The following SZT2 variants were observed in gnomAD, a reference collection of about 807,000 sequenced individuals.
SZT2 encodes KICSTOR complex protein SZT2.
Under a neutral mutation model 404.2 loss-of-function variants are expected in SZT2, and 216 were observed. The observed-to-expected ratio is 0.53, with a 90% CI of 0.48 to 0.60. The LOEUF (loss-of-function observed/expected upper bound fraction) is 0.60. Ranked by LOEUF, SZT2 falls within the 20% of genes least tolerant of loss-of-function variation. The pLI is 0.00. For synonymous variants in SZT2, 1,693 were observed against 1,749.9 expected (o/e 0.97, Z 0.81); for missense variants, 3,857 against 4,459.2 (o/e 0.86, Z 3.85).
At position 43,391,976 on chromosome 1, in the gene SZT2, C is replaced by T. The variant is rs542749300; in HGVS notation, c.27+1981C>T. Among the ~76,000 whole-genome samples, 2 of 66,002 alleles carry T rather than the reference C, an allele frequency of 3.0e-5. 1 individual carries two copies. The highest frequency in any genetic ancestry group is 7.6e-4 in the South Asian group (2 of 2,642). 43.3% of individuals were successfully genotyped at this position (66,002 alleles called of 152,430 possible). A position where few individuals can be genotyped will look rare whatever the true frequency, so the allele number is the denominator to read the frequency against. ...GCGGGCGCCTGTAGTCCCAGCTACT[C>T]GGGAGGCTGAGGCAGGAGAATGGCG... is the stretch of plus-strand genomic sequence containing the variant. On this transcript the variant is annotated intron_variant, in intron 1 of 71. Transcript: ENST00000634258.
chr1:43,427,755 C>T, intron 26 of SZT2, 21 bp downstream of exon 26: 1 of 1,610,438 alleles, frequency 6.2e-7, no homozygotes, highest in Non-Finnish European at 8.5e-7. Flanking sequence ...TCAGTGTTGA[C>T]CTAAGTCCTC....
In SZT2 at chr1:43,446,457, G is replaced by A. The variant is rs763819049; in HGVS notation, c.9072+41G>A. On this transcript the variant is annotated intron_variant, in intron 65 of 71. Coordinates refer to ENST00000634258, the MANE Select transcript of SZT2 (RefSeq NM_001365999.1). ...GCGGGCACAGTCAGTGCACCCCAGT[G>A]TGCTGTGGGCAGCATGGCTCCATGT... 2.5e-6 allele frequency: 4 copies of A among 1,612,542 alleles called. No individual in the cohort carries two copies. The East Asian group carries it at 8.9e-5, about 36-fold the overall frequency.
chr1:43,423,239 G>C lies in SZT2; in HGVS notation c.2178G>C (p.Val726=). The C allele has an allele frequency of 6.3e-7, 1 of 1,591,866 alleles. No individual in the cohort carries two copies. Among genetic ancestry groups the C allele is most frequent in the Non-Finnish European group, 8.5e-7 (1 of 1,176,212 alleles). ...GGSSPSKSPP[V]LGPQQALSDR... is the part of the protein sequence containing the mutation. ...GCTCTCCCTCCAAGTCACCCCCCGTGCTGGGGCCACAGCAGGCCCTGTCTG... is the reference window on the plus strand; with the variant it reads ...GCTCTCCCTCCAAGTCACCCCCCGTCCTGGGGCCACAGCAGGCCCTGTCTG... The change falls in exon 15 of 72, where the codon GTG becomes GTC. Residue 726 remains valine (V), a synonymous_variant. Coordinates refer to ENST00000634258, the MANE Select transcript of SZT2 (RefSeq NM_001365999.1).
At chr1:43,429,909 T>A (rs1653650319) in intron 29 of SZT2, 65 bp downstream of exon 29, 9 of 1,612,232 alleles carry the variant, frequency 5.6e-6, no homozygotes, top group Non-Finnish European at 7.6e-6. Flanking sequence ...GACAGGATTC[T>A]CTCCTGGGCG....
In SZT2 at chr1:43,426,406, G is replaced by A; in HGVS notation, c.3082G>A (p.Ala1028Thr). The A allele has an allele frequency of 6.3e-7, 1 of 1,587,624 alleles. No homozygotes were observed. Among genetic ancestry groups the A allele is most frequent in the South Asian group, 1.1e-5 (1 of 89,176 alleles). The change falls in exon 22 of 72, where the codon GCC becomes ACC. Residue 1028 changes from alanine to threonine, a missense_variant. Ala to Thr is a moderately conservative substitution (Grantham distance 58). This residue lies in a region of SZT2 where 1,725 missense variants were observed against 1,881.0 expected (regional missense o/e 0.92). Coordinates refer to ENST00000634258, the MANE Select transcript of SZT2 (RefSeq NM_001365999.1). This position sits in a 1 kb window ranked among gnomAD's most constrained non-coding sequence, Gnocchi z 4.9. ...CCCTTTCGCCGAGGGGTCCTGTCCT[G>A]CCAACGACATGGTGCTGTGCCTGCT... is the stretch of plus-strand genomic sequence containing the variant. ...GVPFAEGSCPANDMVLCLLHS... is the reference protein window; with the variant it reads ...GVPFAEGSCPTNDMVLCLLHS...
In SZT2 at chr1:43,425,701, T is replaced by C; in HGVS notation, c.2814+59T>C. ...TCACTGGATTGGGGTGCCATCTCTTTTGGAGTACTGCAGTCTGTGGGCTTC... is the reference window on the plus strand; with the variant it reads ...TCACTGGATTGGGGTGCCATCTCTTCTGGAGTACTGCAGTCTGTGGGCTTC... On this transcript the variant is annotated intron_variant, in intron 19 of 71. Transcript: ENST00000634258. This position sits in a 1 kb window ranked among gnomAD's most constrained non-coding sequence, Gnocchi z 4.3. 6.2e-7 allele frequency: 1 copy of C among 1,605,292 alleles called. No homozygotes were observed. Among genetic ancestry groups the C allele is most frequent in the Non-Finnish European group, 8.5e-7 (1 of 1,174,772 alleles).
In SZT2 at chr1:43,442,157, G is replaced by T. The variant is rs777270877; in HGVS notation, c.7873+27G>T. 1.3e-6 allele frequency: 2 copies of T among 1,503,676 alleles called. No homozygotes were observed. Among genetic ancestry groups the T allele is most frequent in the Non-Finnish European group, 1.8e-6 (2 of 1,082,454 alleles). 93.1% of individuals were successfully genotyped at this position (1,503,676 alleles called of 1,614,324 possible). ...TGAGGGCATGGCCCGGGGGGGCGGG[G>T]GGCGGGTAGGCTAAGAGTAACTGGT... On this transcript the variant is annotated intron_variant, in intron 56 of 71. Transcript: ENST00000634258. This position sits in a 1 kb window ranked among gnomAD's most constrained non-coding sequence, Gnocchi z 4.5.
chr1:43,438,572 A>G, intron 46 of SZT2, 127 bp from the exon 47 acceptor site: 1 of 866,384 alleles, frequency 1.2e-6, no homozygotes, highest in South Asian at 1.5e-5. Flanking sequence ...GGCTACCTCC[A>G]GAGCCAGCAC....
Position 43,441,457 on chromosome 1 carries a change from A to G in SZT2, c.7512-47A>G. ...GATGGGCCTTGGTCTGTATAAACAT[A>G]CAAGTGTCATGTATGGACATGAGGC... On this transcript the variant is annotated intron_variant, in intron 53 of 71. Transcript: ENST00000634258. This position sits in a 1 kb window ranked among gnomAD's most constrained non-coding sequence, Gnocchi z 4.8. 1.2e-6 allele frequency: 2 copies of G among 1,610,210 alleles called. No individual in the cohort carries two copies. Among genetic ancestry groups the G allele is most frequent in the Non-Finnish European group, 1.7e-6 (2 of 1,177,910 alleles).
At position 43,424,857 on chromosome 1, in the gene SZT2, A is replaced by G. The variant is rs749314293; in HGVS notation, c.2545A>G (p.Ile849Val). 12 of 1,613,980 alleles carry G rather than the reference A, an allele frequency of 7.4e-6. No homozygotes were observed. Among genetic ancestry groups the G allele is most frequent in the Admixed American group, 1.7e-5 (1 of 60,014 alleles). ...GIINMVLELPIQNEPPGQAAA... is the reference protein window; with the variant it reads ...GIINMVLELPVQNEPPGQAAA... Reference sequence around the variant, plus strand: ...CATCAACATGGTTCTGGAGCTTCCAATTCAGGTACGTGCCATCCCCCATGA... The same window carrying G: ...CATCAACATGGTTCTGGAGCTTCCAGTTCAGGTACGTGCCATCCCCCATGA... The change falls in exon 17 of 72, where the codon ATT becomes GTT. Residue 849 changes from isoleucine (I) to valine (V), a missense_variant. By Grantham distance (29) the Ile-to-Val change is conservative. Transcript: ENST00000634258. The surrounding 1 kb of genome is among the most constrained non-coding windows in gnomAD (Gnocchi z 4.1).
rs1175014510 is a variant in SZT2, at chr1:43,442,152, G to A, written c.7873+22G>A. ...CAGGGTGAGGGCATGGCCCGGGGGG[G>A]CGGGGGGCGGGTAGGCTAAGAGTAA... On this transcript the variant is annotated intron_variant, in intron 56 of 71. Coordinates refer to ENST00000634258, the MANE Select transcript of SZT2 (RefSeq NM_001365999.1). The surrounding 1 kb of genome is among the most constrained non-coding windows in gnomAD (Gnocchi z 4.5). 8 of 1,315,242 alleles carry A rather than the reference G, an allele frequency of 6.1e-6. No individual in the cohort carries two copies. Among genetic ancestry groups the A allele is most frequent in the South Asian group, 2.4e-5 (2 of 84,554 alleles). The allele number at this position is 1,315,242 out of a possible 1,614,324, so 81.5% of individuals were successfully genotyped here.
At position 43,431,884 on chromosome 1, in the gene SZT2, C is replaced by T. The variant is rs779567270; in HGVS notation, c.5257C>T (p.Leu1753Phe). Residue 1753 changes from leucine (L) to phenylalanine (F), a missense_variant, in exon 36 of 72, where the codon CTC becomes TTC. Coordinates refer to ENST00000634258, the MANE Select transcript of SZT2 (RefSeq NM_001365999.1). ...LSFVFGPERS[L>F]TQFKEEFRRL... The stretch of plus-strand genomic sequence containing the variant: ...TTTTGTATTTGGGCCAGAGCGTTCC[C>T]TCACACAATTCAAGGAGGTAAGTTG... 7 of 1,614,160 alleles carry T rather than the reference C, an allele frequency of 4.3e-6. No homozygotes were observed. Among genetic ancestry groups the T allele is most frequent in the Non-Finnish European group, 5.1e-6 (6 of 1,180,030 alleles).
rs2251804 is a variant in SZT2, at chr1:43,451,738, T to C, written c.*1258T>C. 0.38 allele frequency: 614,900 copies of C among 1,613,494 alleles called. 124,881 individuals carry two copies. Among genetic ancestry groups the C allele is most frequent in the Non-Finnish European group, 0.42 (498,771 of 1,179,586 alleles). ...ATGTCCTAGGGAAGAGGATACTACA[T>C]TCCGAGACCCCGCAGGCCCCGCCCT... On this transcript the variant is annotated 3_prime_UTR_variant, in exon 72 of 72. Transcript: ENST00000634258.
rs766882045 is a variant in SZT2 at position 43,441,787 on chromosome 1, G to A, written c.7711G>A (p.Asp2571Asn). 6.2e-7 allele frequency: 1 copy of A among 1,614,180 alleles called. No individual in the cohort carries two copies. Among genetic ancestry groups the A allele is most frequent in the Non-Finnish European group, 8.5e-7 (1 of 1,180,032 alleles). Residue 2571 changes from aspartate to asparagine, a missense_variant, in exon 55 of 72, where the codon GAC becomes AAC. Transcript: ENST00000634258. This position sits in a 1 kb window ranked among gnomAD's most constrained non-coding sequence, Gnocchi z 4.8. Reference protein sequence around the residue: ...FTALVTSMAGDTSVRIFEQHL... With the variant: ...FTALVTSMAGNTSVRIFEQHL... Reference sequence around the variant, plus strand: ...CGCACTGGTCACCTCAATGGCTGGAGACACCAGTGTCCGCATCTTTGAGCA... The same window carrying A: ...CGCACTGGTCACCTCAATGGCTGGAAACACCAGTGTCCGCATCTTTGAGCA...
chr1:43,421,060 G>A, intron 10 of SZT2, 77 bp downstream of exon 10: 1 of 1,593,578 alleles, frequency 6.3e-7, no homozygotes, highest in Non-Finnish European at 8.5e-7. Context: ...CGGGAGCTGG[G>A]GAGCATCACC....
At chr1:43,433,279 T>G in intron 40 of SZT2, 89 bp downstream of exon 40, 1 of 1,437,782 alleles carries the variant, frequency 7.0e-7, no homozygotes, top group Non-Finnish European at 9.5e-7. Flanking sequence ...TTGTTAGAAG[T>G]AAGACTTGGG....
intron 29 of SZT2, 48 bp from the exon 30 acceptor site, chr1:43,429,963 T>C: frequency 6.2e-7 from 1 of 1,613,158 alleles, no homozygotes; most frequent in South Asian, 1.1e-5. Flanking sequence ...AGTAGTATCC[T>C]GTTGAGGGGT....
In SZT2 at chr1:43,442,204, G is replaced by A; in HGVS notation, c.7874-64G>A. On this transcript the variant is annotated intron_variant, in intron 56 of 71. Transcript: ENST00000634258. The surrounding 1 kb of genome is among the most constrained non-coding windows in gnomAD (Gnocchi z 4.5). ...TGGTGGGGTCTCCAACCTTGCAGAG[G>A]GGAGGGTGGGATCAAGGGGGATCTG... The A allele has an allele frequency of 6.2e-7, 1 of 1,600,280 alleles. No individual in the cohort carries two copies. The highest frequency in any genetic ancestry group is 1.1e-5 in the South Asian group (1 of 88,834).
rs1256392967 is a variant in SZT2 at position 43,424,123 on chromosome 1, G to A, written c.2256-94G>A. ...CAGTGGTACAGAGGTGTGGAAGGGC[G>A]TGGCTTAGCCAGCTGTGAGTGGTAC... On this transcript the variant is annotated intron_variant, in intron 15 of 71. Coordinates refer to ENST00000634258, the MANE Select transcript of SZT2 (RefSeq NM_001365999.1). This position sits in a 1 kb window ranked among gnomAD's most constrained non-coding sequence, Gnocchi z 4.1. The A allele has an allele frequency of 7.6e-5, 82 of 1,076,864 alleles. No individual in the cohort carries two copies. Among genetic ancestry groups the A allele is most frequent in the African/African-American group, 1.6e-4 (10 of 64,008 alleles). The allele number at this position is 1,076,864 out of a possible 1,614,324, so 66.7% of individuals were successfully genotyped here.
Sources: gnomAD v4.1 joint callset for allele counts (sites outside exome capture counted in the v4.1 genomes callset) on GRCh38, gnomAD v4.1.1 for gene constraint, gnomAD v4.1.1 regional missense constraint, Gnocchi (gnomAD v3.1) non-coding constraint, MANE v1.5 for transcripts, NCBI Gene and HGNC (gene_info 2026-07-23, HGNC 2026-07-21) for gene names.